PREX2: variants seen among roughly 807,000 people sequenced by gnomAD.
PREX2 encodes the protein phosphatidylinositol 3,4,5-trisphosphate-dependent Rac exchanger 2 protein.
A neutral mutation model predicts 203.2 loss-of-function variants in PREX2; 107 were observed. The observed-to-expected ratio is 0.53, with a 90% CI of 0.45 to 0.62. The LOEUF (loss-of-function observed/expected upper bound fraction) is 0.62. Ranked by LOEUF, PREX2 falls within the 20% of genes least tolerant of loss-of-function variation. PREX2 has a pLI of 0.00. For missense variants in PREX2, 1,777 were observed against 1,955.9 expected (o/e 0.91, Z 1.72); for synonymous variants, 672 against 663.6 (o/e 1.01, Z -0.19).
intron 35 of PREX2, among the ~76,000 whole-genome samples, chr8:68,158,577 AT>A (rs962783490): frequency 2.6e-5 from 4 of 152,162 alleles, no homozygotes; most frequent in African/African-American, 9.7e-5. Context: ...GTGGTTGGCT[AT>A]GCATTGTTAA....
intron 24 of PREX2, 21 bp from the exon 25 acceptor site, chr8:68,109,395 G>A: frequency 6.3e-7 from 1 of 1,591,592 alleles, no homozygotes; most frequent in South Asian, 1.1e-5. Context: ...ATATTACTAA[G>A]GAATGACTTT....
At chr8:67,961,954 TAAG>T (rs1432965816) in intron 1 of PREX2, among the ~76,000 whole-genome samples, 1 of 152,182 alleles carries the variant, frequency 6.6e-6, no homozygotes, top group Non-Finnish European at 1.5e-5. Flanking sequence ...GTATAGTACT[TAAG>T]AAATGACTCC....
chr8:68,160,024 C>CA (rs1334991971), intron 35 of PREX2, among the ~76,000 whole-genome samples: 1 of 152,006 alleles, frequency 6.6e-6, no homozygotes, highest in South Asian at 2.1e-4. Flanking sequence ...ATATCTCAAA[C>CA]AAAAAAATCA....
rs1813215866 is a variant in PREX2, at chr8:68,233,852, C to T, written c.*2474C>T. On this transcript the variant is annotated 3_prime_UTR_variant, in exon 40 of 40. Transcript: ENST00000288368. ...AATGCATTATGCTACTTTTCCTTAT[C>T]AATATAAGAACTATTGTAATATTAC... 2.0e-5 allele frequency: 3 copies of T among 152,048 alleles called. No individual in the cohort carries two copies. The highest frequency in any genetic ancestry group is 6.6e-5 in the Admixed American group (1 of 15,258). 9.4% of individuals were successfully genotyped at this position (152,048 alleles called of 1,614,324 possible). A position where few individuals can be genotyped will look rare whatever the true frequency, so the allele number is the denominator to read the frequency against.
chr8:68,094,217 G>A (rs1809984342), intron 21 of PREX2, among the ~76,000 whole-genome samples: 1 of 152,232 alleles, frequency 6.6e-6, no homozygotes, highest in African/African-American at 2.4e-5. Context: ...GATCTACTGA[G>A]TCAGAATTCT....
chr8:68,019,914 C>T (rs1472161448), intron 3 of PREX2, among the ~76,000 whole-genome samples: 54 of 152,136 alleles, frequency 3.5e-4, no homozygotes, highest in Non-Finnish European at 7.4e-5. Context: ...TTCTTCGCAT[C>T]CTCTGTAGCT....
intron 23 of PREX2, chr8:68,102,721 C>T (rs537892484): frequency 3.4e-5 from 14 of 409,576 alleles, no homozygotes; most frequent in South Asian, 2.6e-4. Context: ...TATTTTGACT[C>T]TGAAAGTTTT....
rs183984458 is a variant in PREX2, at chr8:68,021,357, A to T, written c.337-679A>T. Among the ~76,000 whole-genome samples, 1,363 of 152,298 alleles carry T rather than the reference A, an allele frequency of 8.9e-3. 14 individuals carry two copies. The highest frequency in any genetic ancestry group is 0.014 in the Non-Finnish European group (971 of 68,030). ...TTACAACATAACGCTGTTTGAAAGT[A>T]TTCATGATTTCCTGACTTTTCTATA... On this transcript the variant is annotated intron_variant, in intron 3 of 39. Coordinates refer to ENST00000288368, the MANE Select transcript of PREX2 (RefSeq NM_024870.4).
intron 34 of PREX2, 55 bp from the exon 35 acceptor site, chr8:68,157,267 G>T: frequency 1.1e-6 from 1 of 874,452 alleles, no homozygotes; most frequent in Non-Finnish European, 1.8e-6. Context: ...TATACTACAC[G>T]TGGAGAAATT....
intron 31 of PREX2, among the ~76,000 whole-genome samples, chr8:68,129,302 A>T (rs890183981): frequency 2.6e-5 from 4 of 152,176 alleles, no homozygotes; most frequent in Admixed American, 2.6e-4. Context: ...TTATTCATTA[A>T]TGCTCAAATG....
intron 23 of PREX2, chr8:68,101,256 A>G (rs1810255965): frequency 2.1e-6 from 1 of 466,568 alleles, no homozygotes; most frequent in South Asian, 1.5e-5. Context: ...TGTGTAAATT[A>G]ATACCCAAGG....
rs528934957 is a variant in PREX2, at chr8:68,208,711, G to T, written c.4605-8905G>T. On this transcript the variant is annotated intron_variant, in intron 37 of 39. Coordinates refer to ENST00000288368, the MANE Select transcript of PREX2 (RefSeq NM_024870.4). ...GTTCAAAGATTGCTGAAACTAATCTGCCTCAGGCTTTCCAGGATGGGTGTT... is the reference window on the plus strand; with the variant it reads ...GTTCAAAGATTGCTGAAACTAATCTTCCTCAGGCTTTCCAGGATGGGTGTT... Among the ~76,000 whole-genome samples the T allele has an allele frequency of 6.6e-5, 10 of 152,238 alleles. No individual in the cohort carries two copies. The South Asian group carries it at 2.1e-3, about 32-fold the overall frequency.
At position 68,128,129 on chromosome 8, in the gene PREX2, C is replaced by G. The variant is rs145129637; in HGVS notation, c.3766+710C>G. On this transcript the variant is annotated intron_variant, in intron 31 of 39. Coordinates refer to ENST00000288368, the MANE Select transcript of PREX2 (RefSeq NM_024870.4). ...CGTAAAGATTGGGAAAACTCAACTA[C>G]ATGCCATTTAATTACAGTGAACAGT... is the stretch of plus-strand genomic sequence containing the variant. 3.9e-5 allele frequency among the ~76,000 whole-genome samples: 6 copies of G among 152,308 alleles called. No homozygotes were observed. The East Asian group carries it at 1.2e-3, about 29-fold the overall frequency.
intron 15 of PREX2, 40 bp downstream of exon 15, chr8:68,077,509 A>C: frequency 8.4e-6 from 12 of 1,429,104 alleles, no homozygotes; most frequent in Non-Finnish European, 1.1e-5. Context: ...GATGTATTTC[A>C]TCACGTTGGT....
At chr8:68,044,738 A>G (rs964093847) in intron 8 of PREX2, 148 bp downstream of exon 8, 8 of 634,550 alleles carry the variant, frequency 1.3e-5, no homozygotes, top group Admixed American at 1.1e-4. Context: ...GAGAAAAGAG[A>G]AAGGTGAGAT....
chr8:68,097,590 G>C (rs1408404373), intron 22 of PREX2, among the ~76,000 whole-genome samples: 1 of 152,242 alleles, frequency 6.6e-6, no homozygotes, highest in Non-Finnish European at 1.5e-5. Flanking sequence ...ATTCCAAAGT[G>C]CTGGGATTGC....
intron 1 of PREX2, among the ~76,000 whole-genome samples, chr8:67,978,076 G>A (rs773396674): frequency 1.1e-4 from 16 of 152,166 alleles, no homozygotes; most frequent in Non-Finnish European, 2.4e-4. Flanking sequence ...CATGTGATTG[G>A]CATCTGAAGT....
intron 30 of PREX2, among the ~76,000 whole-genome samples, chr8:68,124,582 C>A (rs1042112474): frequency 2.0e-5 from 3 of 152,004 alleles, no homozygotes; most frequent in African/African-American, 7.2e-5. Context: ...GTACAACAAA[C>A]CCCCATGACA....
At chr8:68,036,848 C>T (rs906079889) in intron 6 of PREX2, among the ~76,000 whole-genome samples, 4 of 151,994 alleles carry the variant, frequency 2.6e-5, no homozygotes, top group Middle Eastern at 3.2e-3. Context: ...GAGGCTGAGG[C>T]AGGAGAATCG....
Sources: allele counts gnomAD v4.1 joint callset (sites outside exome capture counted in the v4.1 genomes callset), GRCh38; gene constraint gnomAD v4.1.1; transcripts MANE v1.5; gene names NCBI Gene and HGNC (gene_info 2026-07-23, HGNC 2026-07-21).